Variants in LINGO2 observed in about 807,000 individuals in gnomAD.
LINGO2 encodes leucine rich repeat and Ig domain containing 2, also known as leucine-rich repeat and immunoglobulin-like domain-containing nogo receptor-interacting protein 2.
LINGO2 carries 14 observed loss-of-function variants against 30.6 expected under a neutral mutation model. The ratio of observed to expected loss-of-function variants is 0.46; its 90% CI spans 0.30 to 0.72. The LOEUF (loss-of-function observed/expected upper bound fraction) is 0.72. Ranked by LOEUF, LINGO2 falls within the 30% of genes least tolerant of loss-of-function variation. The pLI, the probability that LINGO2 is intolerant of heterozygous loss-of-function variation, is 0.07. For synonymous variants in LINGO2, 317 were observed against 288.5 expected (o/e 1.10, Z -1.00); for missense variants, 729 against 751.7 (o/e 0.97, Z 0.35).
At chr9:29,142,588 C>G in the LINGO2 span, among the ~76,000 whole-genome samples, 1 of 151,646 alleles carries the variant, frequency 6.6e-6, no homozygotes, top group Non-Finnish European at 1.5e-5. Flanking sequence ...AATCTAAAAA[C>G]AGTAGTAACA....
At chr9:29,094,754 CA>C in the LINGO2 span, among the ~76,000 whole-genome samples, 1 of 138,494 alleles carries the variant, frequency 7.2e-6, no homozygotes, top group Non-Finnish European at 1.6e-5. Flanking sequence ...TATGCTAGAT[CA>C]AAAATATATT....
At position 28,608,743 on chromosome 9, in the gene LINGO2, G is replaced by C. The variant is rs535111761; in HGVS notation, c.-365+61457C>G. Among the ~76,000 whole-genome samples the C allele has an allele frequency of 2.0e-5, 3 of 152,048 alleles. No homozygotes were observed. In the East Asian group the frequency reaches 5.8e-4, roughly 29 times the overall value. On this transcript the variant is annotated intron_variant, in intron 1 of 5. Coordinates refer to ENST00000379992, the Ensembl canonical transcript of LINGO2. ...TATCATTTTAGCTAGAGAGAAGCAT[G>C]CTTCACAGGTAACTTTTCCTTCGAA...
At chr9:28,351,918 G>C (rs1008568920) in intron 3 of LINGO2, among the ~76,000 whole-genome samples, 1 of 150,508 alleles carries the variant, frequency 6.6e-6, no homozygotes. Flanking sequence ...TATCTCAATA[G>C]ATGCAGAAAA....
chr9:28,039,340 T>C (rs1020689578), intron 4 of LINGO2, among the ~76,000 whole-genome samples: 1 of 152,194 alleles, frequency 6.6e-6, no homozygotes, highest in African/African-American at 2.4e-5. Flanking sequence ...ATATATAAAC[T>C]AAGTGCAAAG....
chr9:29,063,427 A>G, the LINGO2 span, among the ~76,000 whole-genome samples: 10 of 150,186 alleles, frequency 6.7e-5, no homozygotes, highest in East Asian at 1.4e-3. Flanking sequence ...TTTTTGACAG[A>G]ATCTCGCTAT....
At chr9:29,046,877 G>C in the LINGO2 span, among the ~76,000 whole-genome samples, 1 of 151,916 alleles carries the variant, frequency 6.6e-6, no homozygotes, top group Non-Finnish European at 1.5e-5. Flanking sequence ...TCAGGAGTTT[G>C]AGACCAGCCT....
chr9:28,299,156 C>A (rs1824041749), intron 3 of LINGO2, among the ~76,000 whole-genome samples: 1 of 152,114 alleles, frequency 6.6e-6, no homozygotes, highest in Non-Finnish European at 1.5e-5. Flanking sequence ...TGTTGCATAA[C>A]CCTCTAGGTG....
At chr9:28,310,335 G>A (rs987426718) in intron 3 of LINGO2, among the ~76,000 whole-genome samples, 2 of 152,038 alleles carry the variant, frequency 1.3e-5, no homozygotes, top group African/African-American at 2.4e-5. Context: ...TTATATCCAT[G>A]GAACAGAATT....
the LINGO2 span, among the ~76,000 whole-genome samples, chr9:28,747,231 G>T: frequency 1.3e-5 from 2 of 151,976 alleles, no homozygotes; most frequent in Non-Finnish European, 2.9e-5. Context: ...AGGAACGTTT[G>T]AATGCTGAGA....
At chr9:28,583,819 AACTT>A (rs1411799504) in intron 1 of LINGO2, among the ~76,000 whole-genome samples, 60 of 152,178 alleles carry the variant, frequency 3.9e-4, no homozygotes, top group African/African-American at 1.4e-3. Flanking sequence ...ATGTTTTTGA[AACTT>A]AATCCCCAAT....
chr9:29,175,761 G>C, the LINGO2 span, among the ~76,000 whole-genome samples: 3 of 151,866 alleles, frequency 2.0e-5, no homozygotes, highest in Non-Finnish European at 4.4e-5. Context: ...TCCTGACCTC[G>C]TGATCCACCC....
chr9:28,848,825 C>T, the LINGO2 span, among the ~76,000 whole-genome samples: 2 of 151,748 alleles, frequency 1.3e-5, no homozygotes, highest in South Asian at 2.1e-4. Flanking sequence ...GAAACTCCCA[C>T]GCCTTCCTCT....
intron 1 of LINGO2, among the ~76,000 whole-genome samples, chr9:28,535,387 GA>G (rs1373287195): frequency 6.6e-6 from 1 of 151,912 alleles, no homozygotes; most frequent in Non-Finnish European, 1.5e-5. Context: ...CCTTTACCTA[GA>G]AAAAAATGCA....
the LINGO2 span, among the ~76,000 whole-genome samples, chr9:29,022,175 G>T: frequency 6.6e-6 from 1 of 152,008 alleles, no homozygotes. Flanking sequence ...TTCTTAAAAT[G>T]AAAATAATAA....
At chr9:28,894,213 C>T in the LINGO2 span, among the ~76,000 whole-genome samples, 2 of 152,028 alleles carry the variant, frequency 1.3e-5, no homozygotes, top group Admixed American at 6.6e-5. Context: ...AATAAACATA[C>T]GTGTGCATGT....
At chr9:28,703,431 C>T in the LINGO2 span, among the ~76,000 whole-genome samples, 106 of 151,446 alleles carry the variant, frequency 7.0e-4, 1 homozygote, top group South Asian at 0.013. Flanking sequence ...ATTTATCTCC[C>T]TTTATGTATT....
At chr9:28,792,826 T>C in the LINGO2 span, among the ~76,000 whole-genome samples, 3 of 152,172 alleles carry the variant, frequency 2.0e-5, no homozygotes, top group Non-Finnish European at 4.4e-5. Context: ...ATTGTCCTCA[T>C]GCTATGCATT....
chr9:29,006,512 AT>A, the LINGO2 span, among the ~76,000 whole-genome samples: 1 of 152,050 alleles, frequency 6.6e-6, no homozygotes, highest in East Asian at 1.9e-4. Context: ...CTTATCAGTA[AT>A]GCTTCACAGA....
At chr9:28,171,849 A>G (rs527288485) in intron 4 of LINGO2, among the ~76,000 whole-genome samples, 49 of 149,634 alleles carry the variant, frequency 3.3e-4, no homozygotes, top group African/African-American at 1.2e-3. Flanking sequence ...TCTACTGAAA[A>G]AAAAAACAAA....
Sources: allele counts gnomAD v4.1 joint callset (sites outside exome capture counted in the v4.1 genomes callset), GRCh38; gene constraint gnomAD v4.1.1; transcripts MANE v1.5; gene names NCBI Gene and HGNC (gene_info 2026-07-23, HGNC 2026-07-21).